The following TRIP12 variants were observed in gnomAD, a reference collection of about 807,000 sequenced individuals.
The protein encoded by TRIP12 is E3 ubiquitin-protein ligase TRIP12.
Under a neutral mutation model 244.2 loss-of-function variants are expected in TRIP12, and 25 were observed. That is an observed-to-expected ratio of 0.10 (90% CI 0.07 to 0.14). TRIP12 has a LOEUF of 0.14. TRIP12 is among the 10% of genes least tolerant of loss of function. The pLI, the probability that TRIP12 is intolerant of heterozygous loss-of-function variation, is 1.00. For missense variants in TRIP12, 1,677 were observed against 2,486.4 expected (o/e 0.67, Z 6.92); for synonymous variants, 905 against 873.1 (o/e 1.04, Z -0.64).
intron 11 of TRIP12, 128 bp downstream of exon 11, chr2:229,814,971 T>C: frequency 1.4e-6 from 1 of 700,548 alleles, no homozygotes; most frequent in Non-Finnish European, 2.4e-6. Context: ...ACTATTGATC[T>C]GCTGGACATA....
At chr2:229,888,527 T>TG (rs2066544636) in intron 1 of TRIP12, among the ~76,000 whole-genome samples, 1 of 152,174 alleles carries the variant, frequency 6.6e-6, no homozygotes, top group African/African-American at 2.4e-5. Flanking sequence ...ATAGTGGTGT[T>TG]GGCAGACACC....
chr2:229,845,996 G>A (rs570426043), intron 4 of TRIP12, among the ~76,000 whole-genome samples: 3 of 142,342 alleles, frequency 2.1e-5, no homozygotes, highest in African/African-American at 7.8e-5. Context: ...GTGACAGATC[G>A]AGAGCCTCTC....
At chr2:229,913,304 A>G (rs1436837185) in intron 1 of TRIP12, among the ~76,000 whole-genome samples, 1 of 152,252 alleles carries the variant, frequency 6.6e-6, no homozygotes, top group African/African-American at 2.4e-5. Flanking sequence ...TATGCTAAAT[A>G]CTATACTCCT....
At chr2:229,784,733 T>C (rs1332042574) in intron 34 of TRIP12, among the ~76,000 whole-genome samples, 1 of 152,190 alleles carries the variant, frequency 6.6e-6, no homozygotes, top group Non-Finnish European at 1.5e-5. Context: ...CACCATAATA[T>C]GCCGCTATAC....
At chr2:229,840,388 G>GT (rs2056093372) in intron 5 of TRIP12, among the ~76,000 whole-genome samples, 1 of 152,046 alleles carries the variant, frequency 6.6e-6, no homozygotes, top group East Asian at 1.9e-4. Flanking sequence ...CTTTACTCAA[G>GT]TAAAAAAAAA....
intron 1 of TRIP12, among the ~76,000 whole-genome samples, chr2:229,898,349 G>A (rs552856791): frequency 4.6e-5 from 7 of 152,226 alleles, no homozygotes; most frequent in African/African-American, 9.6e-5. Context: ...AAGCCACAGC[G>A]CACGAAGTAA....
chr2:229,781,936 T>G (rs1316052064), intron 34 of TRIP12, among the ~76,000 whole-genome samples: 8 of 152,146 alleles, frequency 5.3e-5, no homozygotes, highest in Admixed American at 5.2e-4. Context: ...AATCTTGACC[T>G]TACATTAGCA....
At position 229,778,352 on chromosome 2, in the gene TRIP12, G is replaced by T; in HGVS notation, c.5364+81C>A. 2 of 1,516,584 alleles carry T rather than the reference G, an allele frequency of 1.3e-6. No individual in the cohort carries two copies. The highest frequency in any genetic ancestry group is 1.8e-6 in the Non-Finnish European group (2 of 1,108,286). The allele number at this position is 1,516,584 out of a possible 1,614,324, so 93.9% of individuals were successfully genotyped here. On this transcript the variant is annotated intron_variant, in intron 36 of 41. Transcript: ENST00000675903. This position sits in a 1 kb window ranked among gnomAD's most constrained non-coding sequence, Gnocchi z 4.1. ...TTGAGAAGCATTGCTCTAAACTATA[G>T]CAGTAAACTACAGGGGACTGAGGTA...
intron 1 of TRIP12, among the ~76,000 whole-genome samples, chr2:229,898,422 G>C (rs1257179639): frequency 6.6e-6 from 1 of 152,114 alleles, no homozygotes; most frequent in Non-Finnish European, 1.5e-5. Flanking sequence ...CAGAATTATA[G>C]CAAGAGAAAG....
rs781505920 is a variant in TRIP12, at chr2:229,778,835, T to C, written c.5209+41A>G. ...TAAACTGTCAGAGTCCATTACCTGA[T>C]CTGAGTAACACAAACCAACTAACTT... On this transcript the variant is annotated intron_variant, in intron 35 of 41. Coordinates refer to ENST00000675903, the MANE Select transcript of TRIP12 (RefSeq NM_001348323.3). This position sits in a 1 kb window ranked among gnomAD's most constrained non-coding sequence, Gnocchi z 4.1. 1 of 1,561,796 alleles carries C rather than the reference T, an allele frequency of 6.4e-7. No individual in the cohort carries two copies. The highest frequency in any genetic ancestry group is 2.2e-5 in the East Asian group (1 of 44,602).
At position 229,795,352 on chromosome 2, in the gene TRIP12, C is replaced by T. The variant is rs373357859; in HGVS notation, c.3817-22G>A. On this transcript the variant is annotated intron_variant, in intron 25 of 41. Coordinates refer to ENST00000675903, the MANE Select transcript of TRIP12 (RefSeq NM_001348323.3). ...GAAGCTAAAGTTATAAATAAACAAA[C>T]AGGTTAAACAAAGCCTTTTCAAAAC... The T allele has an allele frequency of 1.9e-5, 31 of 1,595,366 alleles. No individual in the cohort carries two copies. The African/African-American group carries it at 2.7e-4, about 14-fold the overall frequency.
intron 26 of TRIP12, among the ~76,000 whole-genome samples, chr2:229,793,817 T>TA (rs1043265643): frequency 6.6e-6 from 1 of 151,620 alleles, no homozygotes; most frequent in African/African-American, 2.4e-5. Context: ...TAGGCCAACA[T>TA]AAATTCGTAA....
At chr2:229,774,386 C>T in intron 37 of TRIP12, 125 bp from the exon 38 acceptor site, 1 of 939,330 alleles carries the variant, frequency 1.1e-6, no homozygotes. Context: ...CAACTCTTAG[C>T]CTCTTTATTT....
intron 2 of TRIP12, among the ~76,000 whole-genome samples, chr2:229,875,954 G>A (rs1237528030): frequency 6.6e-6 from 1 of 152,184 alleles, no homozygotes; most frequent in Non-Finnish European, 1.5e-5. Flanking sequence ...ATAATTGCTA[G>A]AACAGTACAC....
At chr2:229,873,381 C>G (rs2063029756) in intron 2 of TRIP12, among the ~76,000 whole-genome samples, 1 of 152,156 alleles carries the variant, frequency 6.6e-6, no homozygotes, top group African/African-American at 2.4e-5. Context: ...ACAATTTCTC[C>G]TAAACCTACC....
chr2:229,915,039 G>C (rs961704250), intron 1 of TRIP12, among the ~76,000 whole-genome samples: 1 of 152,158 alleles, frequency 6.6e-6, no homozygotes, highest in African/African-American at 2.4e-5. Flanking sequence ...TATCACGTGA[G>C]GTCAGGAGTT....
chr2:229,798,678 A>G (rs943200702), intron 23 of TRIP12, among the ~76,000 whole-genome samples, 197 bp downstream of exon 23: 2 of 152,254 alleles, frequency 1.3e-5, no homozygotes, highest in Non-Finnish European at 2.9e-5. Context: ...TTCAAAGCAC[A>G]TGACTGGAAC....
At chr2:229,865,877 A>G (rs781689112) in intron 2 of TRIP12, among the ~76,000 whole-genome samples, 1 of 152,190 alleles carries the variant, frequency 6.6e-6, no homozygotes, top group Non-Finnish European at 1.5e-5. Flanking sequence ...TCATCTGATC[A>G]ATGTTCCTAT....
At chr2:229,922,881 C>T (rs1294463679), upstream of TRIP12, among the ~76,000 whole-genome samples, 1 of 152,208 alleles carries the variant, frequency 6.6e-6, no homozygotes, top group African/African-American at 2.4e-5. Flanking sequence ...CGGCTTCTTA[C>T]CCGTAGAGTT....
Sources: gnomAD v4.1 joint callset for allele counts (sites outside exome capture counted in the v4.1 genomes callset) on GRCh38, gnomAD v4.1.1 for gene constraint, Gnocchi (gnomAD v3.1) non-coding constraint, MANE v1.5 for transcripts, NCBI Gene and HGNC (gene_info 2026-07-23, HGNC 2026-07-21) for gene names.